LRIT1: variants seen among roughly 807,000 people sequenced by gnomAD.
The protein encoded by LRIT1 is leucine rich repeat, Ig-like and transmembrane domains 1.
LRIT1 carries 23 observed loss-of-function variants against 24.0 expected under a neutral mutation model. The ratio of observed to expected loss-of-function variants is 0.96; its 90% CI spans 0.69 to 1.36. The LOEUF (loss-of-function observed/expected upper bound fraction) is 1.36, where lower values mean the gene tolerates loss of function less well. Among genes scored for constraint, LRIT1 ranks in the 40% most tolerant of loss-of-function variants. The pLI is 0.00. For synonymous variants in LRIT1, 361 were observed against 340.5 expected, an observed-to-expected ratio of 1.06 and a Z score of -0.66; for missense variants, 846 against 806.3, an observed-to-expected ratio of 1.05 and a Z score of -0.60.
chr10:84,241,423 C>T lies in LRIT1; in HGVS notation c.17G>A (p.Gly6Asp). Reference sequence around the variant, plus strand: ...CGCAAGGGCCAAGAGCCAGAGCATGCCTAATGCCACCCTCATGGCTCCTGG... The same window carrying T: ...CGCAAGGGCCAAGAGCCAGAGCATGTCTAATGCCACCCTCATGGCTCCTGG... MRVAL[G>D]MLWLLALAWP... The change falls in exon 1 of 4, where the codon GGC becomes GAC. Residue 6 changes from glycine (G) to aspartate (D), a missense_variant. Gly to Asp is a moderately conservative substitution (Grantham distance 94). Transcript: ENST00000372105. The T allele has an allele frequency of 6.3e-7, 1 of 1,596,700 alleles. No homozygotes were observed.
intron 2 of LRIT1, among the ~76,000 whole-genome samples, chr10:84,235,060 T>A (rs145058820): frequency 3.0e-4 from 46 of 152,344 alleles, no homozygotes; most frequent in Non-Finnish European, 4.7e-4. Context: ...TCCTCAATTC[T>A]AAGGCACAAT....
intron 2 of LRIT1, among the ~76,000 whole-genome samples, chr10:84,234,891 A>G (rs568014086): frequency 2.9e-3 from 445 of 152,316 alleles, no homozygotes; most frequent in African/African-American, 0.01. Context: ...GCAGGGTGAC[A>G]GGGCCAGAAA....
intron 1 of LRIT1, among the ~76,000 whole-genome samples, chr10:84,240,238 C>G (rs756599872): frequency 6.6e-6 from 1 of 152,244 alleles, no homozygotes; most frequent in Non-Finnish European, 1.5e-5. Context: ...AGGCTGGGAA[C>G]AGCAGGCTGT....
Position 84,234,176 on chromosome 10 carries a change from C to A in LRIT1, c.792G>T (p.Arg264Ser), listed in dbSNP as rs748291515. Reference sequence around the variant, plus strand: ...GCAGTGCTGTGCCACCCAAAAGGGACCTGATGCTGGCCACTCCTGGATGGA... The same window carrying A: ...GCAGTGCTGTGCCACCCAAAAGGGAACTGATGCTGGCCACTCCTGGATGGA... ...PELHPGVASIRSLLGGTALLR... is the reference protein window; with the variant it reads ...PELHPGVASISSLLGGTALLR... Residue 264 changes from arginine to serine, a missense_variant, in exon 3 of 4, where the codon AGG (arginine) becomes AGT (serine). By Grantham distance (110) the Arg-to-Ser change is moderately radical. Transcript: ENST00000372105. 6.2e-7 allele frequency: 1 copy of A among 1,613,994 alleles called. No homozygotes were observed. Among genetic ancestry groups the A allele is most frequent in the Non-Finnish European group, 8.5e-7 (1 of 1,179,994 alleles).
chr10:84,237,377 C>T lies in LRIT1; in HGVS notation c.432G>A (p.Ser144=), dbSNP rs193025824. Residue 144 remains serine (S), a synonymous_variant, in exon 2 of 4, where the codon TCG becomes TCA. Coordinates refer to ENST00000372105, the MANE Select transcript of LRIT1 (RefSeq NM_015613.3). ...RLLDLQANRL[S]AVPAEAARFL... ...AGCGCGCGGCCTCAGCGGGCACAGCCGAGAGGCGGTTGGCCTGCAGGTCCA... is the reference window on the plus strand; with the variant it reads ...AGCGCGCGGCCTCAGCGGGCACAGCTGAGAGGCGGTTGGCCTGCAGGTCCA... 3,035 of 1,549,254 alleles carry T rather than the reference C, an allele frequency of 2.0e-3. 4 individuals carry two copies. Among genetic ancestry groups the T allele is most frequent in the Non-Finnish European group, 2.2e-3 (2,540 of 1,146,908 alleles).
chr10:84,237,622 TGGAGGTGTCCGG>T lies in LRIT1; in HGVS notation c.175_186del (p.Pro59_Ser62del), dbSNP rs771668555. On this transcript the variant is annotated inframe_deletion, in exon 2 of 4. Coordinates refer to ENST00000372105, the MANE Select transcript of LRIT1 (RefSeq NM_015613.3). The stretch of plus-strand genomic sequence containing the variant: ...ATGGCCGTCCGCTCCAGGCGCAGTC[TGGAGGTGTCCGG>T]GGGGATGGACGCCGGGGGCAGGGTC... 6.8e-6 allele frequency: 11 copies of T among 1,606,758 alleles called. No individual in the cohort carries two copies. The highest frequency in any genetic ancestry group is 7.6e-6 in the Non-Finnish European group (9 of 1,179,452).
intron 1 of LRIT1, among the ~76,000 whole-genome samples, chr10:84,239,048 C>T (rs1273868105): frequency 6.6e-6 from 1 of 152,214 alleles, no homozygotes; most frequent in African/African-American, 2.4e-5. Context: ...ACCAGCATCC[C>T]TCAGCATAAG....
At chr10:84,233,924 G>A (rs1271326812) in intron 3 of LRIT1, 149 bp downstream of exon 3, 12 of 600,440 alleles carry the variant, frequency 2.0e-5, no homozygotes, top group Admixed American at 3.7e-5. Flanking sequence ...CCTCACCTCT[G>A]GGAAGCCCCT....
Position 84,237,380 on chromosome 10 carries a change from G to C in LRIT1, c.429C>G (p.Leu143=). ...LRLLDLQANR[L]SAVPAEAARF... ...GCGCGGCCTCAGCGGGCACAGCCGA[G>C]AGGCGGTTGGCCTGCAGGTCCAGCA... The change falls in exon 2 of 4, where the codon CTC becomes CTG. Residue 143 remains leucine (L), a synonymous_variant. Transcript: ENST00000372105. The C allele has an allele frequency of 1.3e-6, 2 of 1,548,996 alleles. No homozygotes were observed. The highest frequency in any genetic ancestry group is 1.7e-6 in the Non-Finnish European group (2 of 1,146,900).
At chr10:84,236,347 G>A (rs1459900429) in intron 2 of LRIT1, among the ~76,000 whole-genome samples, 1 of 151,968 alleles carries the variant, frequency 6.6e-6, no homozygotes, top group Non-Finnish European at 1.5e-5. Context: ...TGCATCATAG[G>A]TGTTACCAAA....
intron 2 of LRIT1, among the ~76,000 whole-genome samples, chr10:84,236,894 T>C (rs1404050911): frequency 1.3e-5 from 2 of 152,218 alleles, no homozygotes; most frequent in Non-Finnish European, 2.9e-5. Flanking sequence ...CATGGTAAGC[T>C]GTTGGTTTGT....
intron 1 of LRIT1, among the ~76,000 whole-genome samples, chr10:84,240,067 A>G (rs1842680562): frequency 6.6e-6 from 1 of 152,218 alleles, no homozygotes; most frequent in South Asian, 2.1e-4. Context: ...GGAACTTACC[A>G]CTGGTCCCTG....
chr10:84,235,016 G>A (rs1842636577), intron 2 of LRIT1, among the ~76,000 whole-genome samples: 1 of 152,138 alleles, frequency 6.6e-6, no homozygotes, highest in South Asian at 2.1e-4. Flanking sequence ...AGATGGAGGG[G>A]TACCATGTGC....
Position 84,241,379 on chromosome 10 carries a change from C to T in LRIT1, c.61G>A (p.Gly21Ser), listed in dbSNP as rs1233746413. 2 of 1,612,690 alleles carry T rather than the reference C, an allele frequency of 1.2e-6. No individual in the cohort carries two copies. Among genetic ancestry groups the T allele is most frequent in the Non-Finnish European group, 8.5e-7 (1 of 1,179,402 alleles). The change falls in exon 1 of 4, where the codon GGC (glycine) becomes AGC (serine). Residue 21 changes from glycine (G) to serine (S), a missense_variant. Physicochemically the swap from Gly to Ser is moderately conservative, Grantham distance 56 (BLOSUM62 0). Transcript: ENST00000372105. ...CAGCTGCATTGAGAGGGGCAGAAGC[C>T]CCGGGCCTGGGGGGGCCACGCAAGG... ...LALAWPPQAR[G>S]FCPSQCSCSL...
In LRIT1 at chr10:84,241,509, G is replaced by GCCCAGCAAGCCCAGCAAT; in HGVS notation, c.-71_-70insATTGCTGGGCTTGCTGGG. The GCCCAGCAAGCCCAGCAAT allele has an allele frequency of 7.0e-7, 1 of 1,427,986 alleles. No homozygotes were observed. Among genetic ancestry groups the GCCCAGCAAGCCCAGCAAT allele is most frequent in the South Asian group, 1.5e-5 (1 of 67,704 alleles). The allele number at this position is 1,427,986 out of a possible 1,614,324, so 88.5% of individuals were successfully genotyped here. A position where few individuals can be genotyped will look rare whatever the true frequency, so the allele number is the denominator to read the frequency against. ...CCGCTCCGTCCCACCGGCCCAGCAAGCTCAGCAGCTGCCCACTTGCTCGCC... is the reference window on the plus strand; with the variant it reads ...CCGCTCCGTCCCACCGGCCCAGCAAGCCCAGCAAGCCCAGCAATCTCAGCAGCTGCCCACTTGCTCGCC... On this transcript the variant is annotated 5_prime_UTR_variant, in exon 1 of 4. Transcript: ENST00000372105.
intron 1 of LRIT1, among the ~76,000 whole-genome samples, chr10:84,238,373 C>T (rs1470033465): frequency 1.3e-5 from 2 of 151,614 alleles, no homozygotes; most frequent in African/African-American, 2.4e-5. Flanking sequence ...AAAAAGTGTT[C>T]GTTTGTTAAA....
rs180998376 is a variant in LRIT1, at chr10:84,235,136, C to T, written c.590-758G>A. 2.0e-5 allele frequency among the ~76,000 whole-genome samples: 3 copies of T among 152,186 alleles called. No individual in the cohort carries two copies. The East Asian group carries it at 5.8e-4, about 29-fold the overall frequency. On this transcript the variant is annotated intron_variant, in intron 2 of 3. Transcript: ENST00000372105. The stretch of plus-strand genomic sequence containing the variant: ...ACACTTGATATGATGTTCTTTTAGT[C>T]CCCAAAGACTTATTGAATTTAATAG...
Position 84,232,472 on chromosome 10 carries a change from T to C in LRIT1, c.1327A>G (p.Ser443Gly). 2 of 1,614,106 alleles carry C rather than the reference T, an allele frequency of 1.2e-6. No individual in the cohort carries two copies. The highest frequency in any genetic ancestry group is 1.7e-6 in the Non-Finnish European group (2 of 1,180,000). The change falls in exon 4 of 4, where the codon AGC (serine) becomes GGC (glycine). Residue 443 changes from serine to glycine, a missense_variant. By Grantham distance (56) the Ser-to-Gly change is moderately conservative (BLOSUM62 0). Coordinates refer to ENST00000372105, the MANE Select transcript of LRIT1 (RefSeq NM_015613.3). Reference protein sequence around the residue: ...SVKVVGDTYHSVSLVWKAPQA... With the variant: ...SVKVVGDTYHGVSLVWKAPQA... ...GGTGCCTTCCACACCAAGGACACGC[T>C]GTGGTAAGTGTCCCCCACCACCTTC...
chr10:84,240,847 A>C (rs1014570830), intron 1 of LRIT1, among the ~76,000 whole-genome samples: 1 of 151,798 alleles, frequency 6.6e-6, no homozygotes, highest in African/African-American at 2.4e-5. Context: ...TGGTCCCATC[A>C]TGGGTGGGGT....
Sources: gnomAD v4.1 joint callset for allele counts (sites outside exome capture counted in the v4.1 genomes callset) on GRCh38, gnomAD v4.1.1 for gene constraint, MANE v1.5 for transcripts, NCBI Gene and HGNC (gene_info 2026-07-23, HGNC 2026-07-21) for gene names.